The following UNC79 variants were observed in gnomAD, a reference collection of about 807,000 sequenced individuals.
UNC79 encodes the protein protein unc-79 homolog.
UNC79 carries 37 observed loss-of-function variants against 283.1 expected under a neutral mutation model. That is an observed-to-expected ratio of 0.13 (90% CI 0.10 to 0.17). UNC79 has a LOEUF of 0.17. Ranked by LOEUF, UNC79 falls within the 10% of genes least tolerant of loss-of-function variation. The pLI, the probability that UNC79 is intolerant of heterozygous loss-of-function variation, is 1.00. For missense variants in UNC79, 2,272 were observed against 3,211.1 expected, an observed-to-expected ratio of 0.71 and a Z score of 7.07; for synonymous variants, 1,107 against 1,200.2, an observed-to-expected ratio of 0.92 and a Z score of 1.61.
chr14:93,618,280 G>A (rs761180831), exon 29 of UNC79: 2 of 1,613,984 alleles, frequency 1.2e-6, no homozygotes, highest in Non-Finnish European at 1.7e-6. Context: ...TATCATAGCT[G>A]CAAGCCCCAT....
At chr14:93,421,015 A>G (rs1424165654) in intron 1 of UNC79, among the ~76,000 whole-genome samples, 1 of 151,682 alleles carries the variant, frequency 6.6e-6, no homozygotes. Flanking sequence ...GAAAGCTTCA[A>G]ATAAACAACC....
At chr14:93,704,435 A>G (rs915156145) in intron 47 of UNC79, among the ~76,000 whole-genome samples, 190 bp from the exon 51 acceptor site, 1 of 152,160 alleles carries the variant, frequency 6.6e-6, no homozygotes, top group Admixed American at 6.5e-5. Context: ...TTAACCTCCA[A>G]ATGCCACTGG....
At position 93,637,449 on chromosome 14, in the gene UNC79, C is replaced by T. The variant is rs1266765306; in HGVS notation, c.5800+150C>T. 3.4e-5 allele frequency: 45 copies of T among 1,334,902 alleles called. No homozygotes were observed. In the Middle Eastern group the frequency reaches 7.7e-4, roughly 23 times the overall value. 82.7% of individuals were successfully genotyped at this position (1,334,902 alleles called of 1,614,324 possible). On this transcript the variant is annotated intron_variant, in intron 32 of 48. Transcript: ENST00000555664. ...CAAACACCCCCAGTGGCTGAGAGTG[C>T]GTGACATCTCATCTTTGAACATGGC...
intron 5 of UNC79, among the ~76,000 whole-genome samples, chr14:93,493,899 ATATT>A (rs1167565268): frequency 1.3e-3 from 77 of 60,272 alleles, no homozygotes; most frequent in African/African-American, 3.7e-3. Flanking sequence ...ATATATATAT[ATATT>A]TTTTTTTTTT....
chr14:93,432,524 T>G (rs1377250003), intron 1 of UNC79, among the ~76,000 whole-genome samples: 1 of 152,236 alleles, frequency 6.6e-6, no homozygotes, highest in African/African-American at 2.4e-5. Context: ...AAATGATGGC[T>G]ATGATAATGA....
chr14:93,618,735 C>T (rs1013595244), intron 29 of UNC79, among the ~76,000 whole-genome samples: 2 of 152,098 alleles, frequency 1.3e-5, no homozygotes, highest in East Asian at 1.9e-4. Flanking sequence ...CTGGTCTTTG[C>T]GCTCATAGAG....
At chr14:93,572,070 C>T in exon 15 of UNC79, 1 of 1,613,814 alleles carries the variant, frequency 6.2e-7, no homozygotes. Flanking sequence ...TAAAAGAATT[C>T]AGGGAAGTAT....
chr14:93,637,058 C>A (rs2068568909), intron 31 of UNC79, 158 bp from the exon 35 acceptor site: 7 of 666,186 alleles, frequency 1.1e-5, no homozygotes, highest in Non-Finnish European at 1.6e-5. Flanking sequence ...CCCCAAATAA[C>A]CCTACCCTAA....
At chr14:93,411,075 G>T (rs75338710) in intron 1 of UNC79, among the ~76,000 whole-genome samples, 1,934 of 152,144 alleles carry the variant, frequency 0.013, 45 homozygotes, top group African/African-American at 0.044. Flanking sequence ...AGAGGGGAGC[G>T]CATTGCCCCG....
intron 7 of UNC79, among the ~76,000 whole-genome samples, chr14:93,510,035 C>T (rs1340369510): frequency 6.6e-6 from 1 of 152,226 alleles, no homozygotes; most frequent in East Asian, 1.9e-4. Flanking sequence ...CTCTGCATAT[C>T]CTCTGGCTTA....
intron 40 of UNC79, among the ~76,000 whole-genome samples, chr14:93,665,058 A>C (rs2072026241): frequency 1.3e-5 from 2 of 151,808 alleles, no homozygotes; most frequent in Non-Finnish European, 2.9e-5. Context: ...TATACATATC[A>C]TTAAAAATGA....
intron 1 of UNC79, among the ~76,000 whole-genome samples, chr14:93,451,861 C>T (rs191561799): frequency 6.6e-6 from 1 of 152,306 alleles, no homozygotes; most frequent in Admixed American, 6.5e-5. Context: ...TCTGGTCTGC[C>T]AAGTCAACTG....
In UNC79 at chr14:93,509,422, T is replaced by A. The variant is rs565353317; in HGVS notation, c.898+12136T>A. Among the ~76,000 whole-genome samples the A allele has an allele frequency of 9.2e-5, 14 of 152,262 alleles. No individual in the cohort carries two copies. The East Asian group carries it at 2.7e-3, about 29-fold the overall frequency. ...TAACTCAGAAGTCAACAGCCTGAAG[T>A]CTTATCTGAGATAAGGCATGTCTCT... On this transcript the variant is annotated intron_variant, in intron 7 of 48. Transcript: ENST00000555664.
intron 42 of UNC79, among the ~76,000 whole-genome samples, chr14:93,683,630 A>G (rs904077266): frequency 1.3e-5 from 2 of 152,178 alleles, no homozygotes; most frequent in African/African-American, 4.8e-5. Flanking sequence ...TGTCCCTAAT[A>G]ATAAAAGGGT....
intron 14 of UNC79, among the ~76,000 whole-genome samples, chr14:93,567,988 A>G (rs2062995111): frequency 6.6e-6 from 1 of 152,218 alleles, no homozygotes; most frequent in South Asian, 2.1e-4. Flanking sequence ...AAATGGTTGC[A>G]TTCTTTTTGA....
intron 14 of UNC79, among the ~76,000 whole-genome samples, chr14:93,558,024 TAAAAC>T (rs547973523): frequency 3.9e-5 from 6 of 152,150 alleles, no homozygotes; most frequent in Non-Finnish European, 7.3e-5. Context: ...TTCAAGGACA[TAAAAC>T]AAGACAAGAG....
At chr14:93,404,436 G>A (rs1225239509) in intron 1 of UNC79, among the ~76,000 whole-genome samples, 2 of 136,534 alleles carry the variant, frequency 1.5e-5, no homozygotes, top group Non-Finnish European at 1.5e-5. Flanking sequence ...GCCACAGTGA[G>A]CTATGATCAC....
At chr14:93,643,532 A>G (rs760326355) in intron 33 of UNC79, 25 bp from the exon 37 acceptor site, 1 of 1,613,626 alleles carries the variant, frequency 6.2e-7, no homozygotes, top group Non-Finnish European at 8.5e-7. Context: ...CTTTCATGGA[A>G]AGCATGTCTC....
intron 1 of UNC79, among the ~76,000 whole-genome samples, chr14:93,455,731 A>G (rs945528006): frequency 1.3e-5 from 2 of 152,190 alleles, no homozygotes; most frequent in Admixed American, 6.5e-5. Context: ...AAGTACTTAT[A>G]GCAACTCTGT....
Sources: gnomAD v4.1 joint callset for allele counts (sites outside exome capture counted in the v4.1 genomes callset) on GRCh38, gnomAD v4.1.1 for gene constraint, MANE v1.5 for transcripts, NCBI Gene and HGNC (gene_info 2026-07-23, HGNC 2026-07-21) for gene names.